The following NCKAP5 variants were observed in gnomAD, a reference collection of about 807,000 sequenced individuals.
The protein encoded by NCKAP5 is NCK associated protein 5.
NCKAP5 carries 92 observed loss-of-function variants against 167.0 expected under a neutral mutation model. That is an observed-to-expected ratio of 0.55 (90% CI 0.47 to 0.66). NCKAP5 has a LOEUF of 0.66. Ranked by LOEUF, NCKAP5 falls within the 30% of genes least tolerant of loss-of-function variation. The pLI, the probability that NCKAP5 is intolerant of heterozygous loss-of-function variation, is 0.00. For missense variants in NCKAP5, 2,378 were observed against 2,315.0 expected, an observed-to-expected ratio of 1.03 and a Z score of -0.56; for synonymous variants, 891 against 877.4, an observed-to-expected ratio of 1.02 and a Z score of -0.27.
At chr2:133,387,871 T>G (rs973898837) in intron 3 of NCKAP5, among the ~76,000 whole-genome samples, 1 of 152,244 alleles carries the variant, frequency 6.6e-6, no homozygotes, top group African/African-American at 2.4e-5. Flanking sequence ...ACATAGTTCT[T>G]GTGCCATGGT....
intron 3 of NCKAP5, among the ~76,000 whole-genome samples, chr2:133,514,246 AC>A (rs1180966334): frequency 6.6e-6 from 1 of 152,198 alleles, no homozygotes; most frequent in Non-Finnish European, 1.5e-5. Context: ...AGTTTCACTT[AC>A]GTATCACTTT....
chr2:133,050,749 C>T (rs1312046172), intron 6 of NCKAP5, among the ~76,000 whole-genome samples: 1 of 152,188 alleles, frequency 6.6e-6, no homozygotes, highest in Non-Finnish European at 1.5e-5. Context: ...AGCTGGTCTA[C>T]ACCAGTTTTG....
At chr2:132,821,904 C>T (rs929813590) in intron 11 of NCKAP5, among the ~76,000 whole-genome samples, 6 of 152,204 alleles carry the variant, frequency 3.9e-5, no homozygotes, top group African/African-American at 1.4e-4. Flanking sequence ...CTGCCTAACC[C>T]TGCCCTGACT....
intron 7 of NCKAP5, among the ~76,000 whole-genome samples, chr2:132,990,885 ATACACT>A (rs1182833486): frequency 6.6e-6 from 1 of 152,228 alleles, no homozygotes; most frequent in Non-Finnish European, 1.5e-5. Flanking sequence ...CAGGAAACTA[ATACACT>A]TAGATAAGAA....
chr2:133,357,506 T>C (rs376586501), intron 3 of NCKAP5, among the ~76,000 whole-genome samples: 10 of 152,200 alleles, frequency 6.6e-5, no homozygotes, highest in East Asian at 5.8e-4. Flanking sequence ...AATTAACATT[T>C]TAATGTTAAC....
chr2:133,213,990 A>G (rs1374226331), intron 4 of NCKAP5, among the ~76,000 whole-genome samples: 1 of 152,212 alleles, frequency 6.6e-6, no homozygotes, highest in Non-Finnish European at 1.5e-5. Context: ...AGATTTTACA[A>G]TAGCCAAATA....
the NCKAP5 span, among the ~76,000 whole-genome samples, chr2:133,626,453 T>A: frequency 8.3e-6 from 1 of 121,126 alleles, no homozygotes. Context: ...TCAATAAATA[T>A]GTTGCAAGGG....
At chr2:133,272,801 A>G (rs2089572218) in intron 4 of NCKAP5, among the ~76,000 whole-genome samples, 1 of 152,204 alleles carries the variant, frequency 6.6e-6, no homozygotes, top group African/African-American at 2.4e-5. Flanking sequence ...AAATGGAATC[A>G]TACAATGTTT....
intron 6 of NCKAP5, among the ~76,000 whole-genome samples, chr2:133,043,380 T>G (rs2149461621): frequency 6.6e-6 from 1 of 152,270 alleles, no homozygotes; most frequent in East Asian, 1.9e-4. Flanking sequence ...AAAAGTACAA[T>G]TAAACAGAAA....
chr2:133,482,381 C>A lies in NCKAP5; in HGVS notation c.69+35077G>T, dbSNP rs557776661. The stretch of plus-strand genomic sequence containing the variant: ...TACAGGCATGTGCCACCTCACCCAG[C>A]TAATTTTTTATATTTTAGTAGAGAT... On this transcript the variant is annotated intron_variant, in intron 3 of 19. Transcript: ENST00000409261. Among the ~76,000 whole-genome samples the A allele has an allele frequency of 2.6e-5, 4 of 152,054 alleles. No homozygotes were observed. The South Asian group carries it at 8.3e-4, about 32-fold the overall frequency.
intron 3 of NCKAP5, among the ~76,000 whole-genome samples, chr2:133,307,098 A>T (rs1680833385): frequency 6.6e-6 from 1 of 152,172 alleles, no homozygotes; most frequent in Non-Finnish European, 1.5e-5. Flanking sequence ...ATACTATTAA[A>T]CTATTGTTAC....
At chr2:133,336,075 A>G (rs1365109096) in intron 3 of NCKAP5, among the ~76,000 whole-genome samples, 1 of 152,124 alleles carries the variant, frequency 6.6e-6, no homozygotes, top group Non-Finnish European at 1.5e-5. Context: ...TGGGCCTTCA[A>G]TCAGGACAGA....
chr2:133,575,878 G>A, the NCKAP5 span, among the ~76,000 whole-genome samples: 10,767 of 152,178 alleles, frequency 0.071, 668 homozygotes, highest in African/African-American at 0.16. Flanking sequence ...ATCTCTTAAC[G>A]ATAAACATGG....
intron 4 of NCKAP5, among the ~76,000 whole-genome samples, chr2:133,280,833 A>C (rs2089910410): frequency 6.6e-6 from 1 of 152,188 alleles, no homozygotes; most frequent in African/African-American, 2.4e-5. Flanking sequence ...AAAATTGAGC[A>C]ATTTGTGACA....
intron 4 of NCKAP5, among the ~76,000 whole-genome samples, chr2:133,278,142 T>G (rs774225113): frequency 6.6e-5 from 10 of 152,200 alleles, no homozygotes; most frequent in Non-Finnish European, 1.3e-4. Flanking sequence ...TTTGACTATG[T>G]AAAATTTTTA....
At chr2:133,220,875 C>T (rs1377736527) in intron 4 of NCKAP5, among the ~76,000 whole-genome samples, 1 of 152,162 alleles carries the variant, frequency 6.6e-6, no homozygotes, top group African/African-American at 2.4e-5. Flanking sequence ...TATACCCAAC[C>T]TGAATGGGAG....
At chr2:132,709,249 A>G (rs1313906524) in intron 19 of NCKAP5, among the ~76,000 whole-genome samples, 2 of 152,158 alleles carry the variant, frequency 1.3e-5, no homozygotes, top group Non-Finnish European at 2.9e-5. Flanking sequence ...CAGAAGATAG[A>G]AAAACAGAAA....
chr2:132,785,240 C>T lies in NCKAP5; in HGVS notation c.1571G>A (p.Gly524Asp). 6.4e-7 allele frequency: 1 copy of T among 1,569,918 alleles called. No individual in the cohort carries two copies. ...WETNRKHFLE[G>D]TSSVYPKERP... Reference sequence around the variant, plus strand: ...TTCCTTGGGATAAACTGAGGATGTGCCTTCCAGAAAGTGTTTTCTGTTTGT... The same window carrying T: ...TTCCTTGGGATAAACTGAGGATGTGTCTTCCAGAAAGTGTTTTCTGTTTGT... The change falls in exon 14 of 20, where the codon GGC becomes GAC. Residue 524 changes from glycine (G) to aspartate (D), a missense_variant. Physicochemically the swap from Gly to Asp is moderately conservative, Grantham distance 94. Around this residue, in one of 3 missense-constraint regions of NCKAP5, gnomAD observed 1,049 missense variants for 1,023.4 expected, o/e 1.02. Transcript: ENST00000409261.
chr2:133,577,171 T>C, the NCKAP5 span, among the ~76,000 whole-genome samples: 3 of 152,158 alleles, frequency 2.0e-5, no homozygotes, highest in Non-Finnish European at 4.4e-5. Context: ...GTGGGTGATA[T>C]GCCCAGGGCT....
Sources: gnomAD v4.1 joint callset for allele counts (sites outside exome capture counted in the v4.1 genomes callset) on GRCh38, gnomAD v4.1.1 for gene constraint, gnomAD v4.1.1 regional missense constraint, MANE v1.5 for transcripts, NCBI Gene and HGNC (gene_info 2026-07-23, HGNC 2026-07-21) for gene names.